Variants in LRMDA observed in about 807,000 individuals in gnomAD.
The protein encoded by LRMDA is leucine rich melanocyte differentiation associated, also known as leucine-rich melanocyte differentiation-associated protein.
In LRMDA, 18 loss-of-function variants were observed where a neutral mutation model predicts 29.8. The observed-to-expected ratio is 0.60, with a 90% confidence interval of 0.42 to 0.90. The LOEUF (loss-of-function observed/expected upper bound fraction) is 0.90, where lower values mean the gene tolerates loss of function less well. Ranked by LOEUF, LRMDA falls within the 40% of genes least tolerant of loss-of-function variation. LRMDA has a pLI of 0.00. For synonymous variants in LRMDA, 125 were observed against 109.4 expected, an observed-to-expected ratio of 1.14 and a Z score of -0.89; for missense variants, 273 against 273.9, an observed-to-expected ratio of 1.00 and a Z score of 0.02.
In LRMDA at chr10:76,264,447, A is replaced by C. The variant is rs1422191450; in HGVS notation, c.517-59954A>C. 6.4e-5 allele frequency among the ~76,000 whole-genome samples: 7 copies of C among 109,730 alleles called. 1 individual carries two copies. Among genetic ancestry groups the C allele is most frequent in the South Asian group, 3.2e-4 (1 of 3,154 alleles). The allele number at this position is 109,730 out of a possible 152,430, so 72.0% of individuals were successfully genotyped here. A position where few individuals can be genotyped will look rare whatever the true frequency, so the allele number is the denominator to read the frequency against. On this transcript the variant is annotated intron_variant, in intron 5 of 6. Coordinates refer to ENST00000611255, the MANE Select transcript of LRMDA (RefSeq NM_001305581.2). ...AAAAAAAAAAAAAAAAAAAAAAAAA[A>C]AAAAAAAAAACACGGAAGCAGATTG...
At chr10:75,553,972 TA>T (rs1840184649) in intron 2 of LRMDA, among the ~76,000 whole-genome samples, 2 of 152,186 alleles carry the variant, frequency 1.3e-5, no homozygotes, top group Non-Finnish European at 2.9e-5. Context: ...AAAAATTTGT[TA>T]AAATGTTAGC....
intron 2 of LRMDA, among the ~76,000 whole-genome samples, chr10:75,747,053 GT>G (rs1842898954): frequency 6.6e-6 from 1 of 151,944 alleles, no homozygotes; most frequent in Admixed American, 6.6e-5. Context: ...ATTTAAAGAG[GT>G]TTCTTTTTTT....
chr10:76,303,985 T>C (rs1840516987), intron 5 of LRMDA, among the ~76,000 whole-genome samples: 1 of 152,122 alleles, frequency 6.6e-6, no homozygotes, highest in African/African-American at 2.4e-5. Flanking sequence ...TTTTCTCCCC[T>C]GATGACAGCC....
chr10:75,844,725 G>C (rs1264712256), intron 2 of LRMDA, among the ~76,000 whole-genome samples: 2 of 152,206 alleles, frequency 1.3e-5, no homozygotes, highest in Non-Finnish European at 2.9e-5. Context: ...GAGAGTAAGG[G>C]ACTAGGTAAC....
At chr10:76,221,413 C>T (rs1244950143) in intron 5 of LRMDA, among the ~76,000 whole-genome samples, 1 of 152,260 alleles carries the variant, frequency 6.6e-6, no homozygotes, top group Non-Finnish European at 1.5e-5. Flanking sequence ...TGATAAGCAA[C>T]TTCAGCAAAG....
intron 5 of LRMDA, among the ~76,000 whole-genome samples, chr10:76,275,298 T>TC (rs1045501208): frequency 5.3e-5 from 8 of 152,194 alleles, no homozygotes; most frequent in African/African-American, 1.9e-4. Context: ...GAGATTTTTT[T>TC]CCCCTGAATT....
At chr10:76,413,626 A>G (rs1841985878) in intron 6 of LRMDA, among the ~76,000 whole-genome samples, 1 of 152,198 alleles carries the variant, frequency 6.6e-6, no homozygotes, top group Non-Finnish European at 1.5e-5. Context: ...TTGGGTGAGG[A>G]CACAGCCAAA....
chr10:76,128,492 A>G (rs1284502637), intron 5 of LRMDA, among the ~76,000 whole-genome samples: 1 of 152,260 alleles, frequency 6.6e-6, no homozygotes, highest in East Asian at 1.9e-4. Flanking sequence ...AGTTGGAGAA[A>G]TTAAAAGCAA....
intron 5 of LRMDA, among the ~76,000 whole-genome samples, chr10:76,181,231 G>A (rs1002479473): frequency 6.6e-6 from 1 of 152,178 alleles, no homozygotes; most frequent in Admixed American, 6.5e-5. Context: ...CTTCCAGGCT[G>A]ATGATGTGTA....
At chr10:75,606,658 T>C (rs11001435) in intron 2 of LRMDA, among the ~76,000 whole-genome samples, 21,289 of 152,164 alleles carry the variant, frequency 0.14, 1,616 homozygotes, top group African/African-American at 0.14. Flanking sequence ...TTCATCCCTT[T>C]CTTCTCACTT....
intron 5 of LRMDA, among the ~76,000 whole-genome samples, chr10:76,299,156 C>CGTGTGT (rs111635114): frequency 0.078 from 11,548 of 147,238 alleles, 1,081 homozygotes; most frequent in African/African-American, 0.23. Flanking sequence ...AGAGAAGAGC[C>CGTGTGT]GTGTGTGTGT....
chr10:75,896,033 C>T (rs1845574932), intron 2 of LRMDA, among the ~76,000 whole-genome samples: 1 of 152,128 alleles, frequency 6.6e-6, no homozygotes, highest in Non-Finnish European at 1.5e-5. Context: ...GAAGCATCAT[C>T]CTTATTAAGA....
intron 6 of LRMDA, among the ~76,000 whole-genome samples, chr10:76,328,983 GT>G (rs2132404170): frequency 6.6e-6 from 1 of 152,286 alleles, no homozygotes. Flanking sequence ...TTGCTGGAAA[GT>G]TTCTGTGGAT....
intron 2 of LRMDA, among the ~76,000 whole-genome samples, chr10:75,619,154 A>C (rs931484526): frequency 2.6e-5 from 4 of 152,160 alleles, no homozygotes; most frequent in African/African-American, 9.6e-5. Context: ...TATCCTTGTC[A>C]TCTTCACATT....
chr10:75,635,003 G>A (rs562069277), intron 2 of LRMDA, among the ~76,000 whole-genome samples: 2 of 152,210 alleles, frequency 1.3e-5, no homozygotes, highest in South Asian at 2.1e-4. Context: ...CCATGAAAAG[G>A]TAGTCTTCCC....
intron 2 of LRMDA, among the ~76,000 whole-genome samples, chr10:75,501,716 C>T (rs1405715244): frequency 1.3e-5 from 2 of 152,180 alleles, no homozygotes; most frequent in Non-Finnish European, 2.9e-5. Flanking sequence ...AGGTCTCAGA[C>T]CAGATGCTAA....
At chr10:75,532,475 C>T (rs1337409159) in intron 2 of LRMDA, among the ~76,000 whole-genome samples, 2 of 152,156 alleles carry the variant, frequency 1.3e-5, no homozygotes, top group African/African-American at 4.8e-5. Context: ...GCCTTTTCTG[C>T]TGTTGGGAGA....
At chr10:75,730,988 C>G (rs898474299) in intron 2 of LRMDA, among the ~76,000 whole-genome samples, 1 of 152,164 alleles carries the variant, frequency 6.6e-6, no homozygotes, top group Non-Finnish European at 1.5e-5. Flanking sequence ...CTGCTGCCAG[C>G]TTCTGAAGTA....
intron 2 of LRMDA, among the ~76,000 whole-genome samples, chr10:75,442,378 CTATTT>C (rs2132024869): frequency 6.6e-6 from 1 of 152,228 alleles, no homozygotes; most frequent in East Asian, 1.9e-4. Flanking sequence ...AGTTCTTGAT[CTATTT>C]TGAGTTGATT....
Sources: allele counts gnomAD v4.1 joint callset (sites outside exome capture counted in the v4.1 genomes callset), GRCh38; gene constraint gnomAD v4.1.1; transcripts MANE v1.5; gene names NCBI Gene and HGNC (gene_info 2026-07-23, HGNC 2026-07-21).